CAST: variants seen among roughly 807,000 people sequenced by gnomAD.
CAST encodes the protein MIR583 host.
In CAST, 76 loss-of-function variants were observed where a neutral mutation model predicts 119.6. The ratio of observed to expected loss-of-function variants is 0.64; its 90% confidence interval spans 0.53 to 0.77. CAST has a LOEUF of 0.77. CAST is among the 30% of genes least tolerant of loss of function. CAST has a pLI of 0.00. For missense variants in CAST, 953 were observed against 946.5 expected (o/e 1.01, Z -0.09); for synonymous variants, 319 against 331.6 (o/e 0.96, Z 0.41).
intron 1 of CAST, among the ~76,000 whole-genome samples, chr5:96,539,584 T>C (rs1240552224): frequency 1.3e-5 from 2 of 152,192 alleles, no homozygotes; most frequent in Non-Finnish European, 2.9e-5. Context: ...TGTCATGTCA[T>C]GTATCCATCA....
intron 2 of CAST, among the ~76,000 whole-genome samples, chr5:96,690,857 A>G (rs1269233916): frequency 2.0e-5 from 3 of 152,234 alleles, no homozygotes; most frequent in Non-Finnish European, 2.9e-5. Flanking sequence ...ACTTCTTGCC[A>G]TTTTATAGGA....
At chr5:96,288,680 A>G in the CAST span, among the ~76,000 whole-genome samples, 1 of 152,192 alleles carries the variant, frequency 6.6e-6, no homozygotes, top group Non-Finnish European at 1.5e-5. Context: ...TGCAAGAACA[A>G]GTAAAGTGCT....
intron 1 of CAST, among the ~76,000 whole-genome samples, chr5:96,650,285 T>A (rs1748074829): frequency 6.6e-6 from 1 of 152,184 alleles, no homozygotes; most frequent in African/African-American, 2.4e-5. Context: ...CTTCACGCAT[T>A]TTCCTTTTCC....
chr5:96,630,709 C>T (rs1008322617), intron 1 of CAST, among the ~76,000 whole-genome samples: 2 of 152,106 alleles, frequency 1.3e-5, no homozygotes, highest in African/African-American at 4.8e-5. Flanking sequence ...TTGCTTGAAC[C>T]TGGGAGGCGG....
At chr5:96,128,838 T>C in the CAST span, among the ~76,000 whole-genome samples, 2 of 152,106 alleles carry the variant, frequency 1.3e-5, no homozygotes, top group Non-Finnish European at 2.9e-5. Context: ...TACTGCTTCC[T>C]CAGGGCCTAC....
chr5:96,301,981 C>T, the CAST span, among the ~76,000 whole-genome samples: 18 of 152,306 alleles, frequency 1.2e-4, no homozygotes, highest in African/African-American at 4.1e-4. Context: ...TTCCTCTCCC[C>T]CTGCCCTAGT....
At chr5:96,206,479 T>C in the CAST span, among the ~76,000 whole-genome samples, 2 of 152,140 alleles carry the variant, frequency 1.3e-5, no homozygotes, top group Non-Finnish European at 2.9e-5. Flanking sequence ...TTGATTTTTG[T>C]ATATGGTATA....
chr5:96,674,124 G>T (rs1172272002), intron 1 of CAST, among the ~76,000 whole-genome samples: 2 of 152,108 alleles, frequency 1.3e-5, no homozygotes, highest in Non-Finnish European at 2.9e-5. Context: ...ATTCCATTTA[G>T]TGTGTTCTAG....
the CAST span, among the ~76,000 whole-genome samples, chr5:96,135,282 C>T: frequency 6.6e-6 from 1 of 152,270 alleles, no homozygotes; most frequent in Non-Finnish European, 1.5e-5. Context: ...ATAGAATTAT[C>T]TTAAAGTCAG....
the CAST span, among the ~76,000 whole-genome samples, chr5:96,320,989 T>C: frequency 6.6e-6 from 1 of 152,044 alleles, no homozygotes; most frequent in Non-Finnish European, 1.5e-5. Context: ...TCCTACAAAA[T>C]CTAGATTGAT....
the CAST span, among the ~76,000 whole-genome samples, chr5:96,467,194 C>T: frequency 1.4e-4 from 22 of 151,924 alleles, no homozygotes; most frequent in South Asian, 4.4e-3. Flanking sequence ...CCCCTTTGTC[C>T]CTCAAGTTTT....
At chr5:96,126,930 A>G in the CAST span, among the ~76,000 whole-genome samples, 1 of 152,054 alleles carries the variant, frequency 6.6e-6, no homozygotes, top group Non-Finnish European at 1.5e-5. Context: ...TACCATTTCT[A>G]ATTACTTGAA....
At chr5:96,058,858 T>C in the CAST span, among the ~76,000 whole-genome samples, 1 of 152,092 alleles carries the variant, frequency 6.6e-6, no homozygotes, top group South Asian at 2.1e-4. Context: ...GTTACTCTTA[T>C]CTCCTACAGT....
At chr5:96,741,731 T>C in intron 15 of CAST, 151 bp downstream of exon 15, 1 of 602,246 alleles carries the variant, frequency 1.7e-6, no homozygotes, top group Non-Finnish European at 3.0e-6. Flanking sequence ...GAGGGTTATG[T>C]TGATCATCTC....
At chr5:96,073,611 A>G in the CAST span, among the ~76,000 whole-genome samples, 3 of 152,162 alleles carry the variant, frequency 2.0e-5, no homozygotes, top group Non-Finnish European at 4.4e-5. Flanking sequence ...CTTCCATCTC[A>G]GGTCATCAGA....
chr5:96,751,999 C>T (rs1186505478), intron 20 of CAST, among the ~76,000 whole-genome samples: 1 of 152,124 alleles, frequency 6.6e-6, no homozygotes, highest in Admixed American at 6.6e-5. Context: ...GATTGTGACA[C>T]CCTCGAACGC....
chr5:96,357,544 C>A, the CAST span, among the ~76,000 whole-genome samples: 1 of 152,058 alleles, frequency 6.6e-6, no homozygotes, highest in African/African-American at 2.4e-5. Context: ...GCATGAAAGG[C>A]TGTTGAATTT....
chr5:96,306,208 C>A, the CAST span, among the ~76,000 whole-genome samples: 1 of 152,154 alleles, frequency 6.6e-6, no homozygotes, highest in Non-Finnish European at 1.5e-5. Flanking sequence ...TTATCTATTT[C>A]TTCTAGATTT....
At chr5:96,110,877 T>G in the CAST span, 2 of 152,220 alleles carry the variant, frequency 1.3e-5, no homozygotes, top group Admixed American at 6.5e-5. Context: ...TTGGGCCTAA[T>G]GGGAAACAGT....
Sources: allele counts gnomAD v4.1 joint callset (sites outside exome capture counted in the v4.1 genomes callset), GRCh38; gene constraint gnomAD v4.1.1; transcripts MANE v1.5; gene names NCBI Gene and HGNC (gene_info 2026-07-23, HGNC 2026-07-21).